Variants in MAGI2 observed in about 807,000 individuals in gnomAD.
The protein encoded by MAGI2 is membrane-associated guanylate kinase, WW and PDZ domain-containing protein 2.
Under a neutral mutation model 133.3 loss-of-function variants are expected in MAGI2, and 35 were observed. The observed-to-expected ratio is 0.26, with a 90% CI of 0.20 to 0.35. MAGI2 has a LOEUF of 0.35. Among genes scored for constraint, MAGI2 ranks in the 10% least tolerant of loss-of-function variants. The pLI is 1.00. For missense variants in MAGI2, 1,636 were observed against 1,863.4 expected, an observed-to-expected ratio of 0.88 and a Z score of 2.25; for synonymous variants, 729 against 710.6, an observed-to-expected ratio of 1.03 and a Z score of -0.41.
intron 1 of MAGI2, among the ~76,000 whole-genome samples, chr7:79,180,999 C>T (rs1031636907): frequency 6.6e-6 from 1 of 151,908 alleles, no homozygotes; most frequent in Non-Finnish European, 1.5e-5. Context: ...GGTGAGTTCT[C>T]ATGGTCTTGG....
At chr7:78,358,753 G>T in intron 7 of MAGI2, 1 of 205,384 alleles carries the variant, frequency 4.9e-6, no homozygotes, top group South Asian at 7.1e-5. Context: ...GGAAGGAGAA[G>T]GCCAAGATGC....
intron 3 of MAGI2, among the ~76,000 whole-genome samples, chr7:78,573,748 T>C (rs1184931454): frequency 2.6e-5 from 4 of 152,004 alleles, no homozygotes; most frequent in African/African-American, 9.7e-5. Flanking sequence ...GTGGGGCTCA[T>C]CCACTGATGG....
At chr7:78,170,742 C>T (rs1826033823) in intron 14 of MAGI2, 1 of 151,648 alleles carries the variant, frequency 6.6e-6, no homozygotes, top group Non-Finnish European at 1.5e-5. Context: ...TTCAATTACC[C>T]CTTCAATTGA....
At chr7:79,433,037 C>G (rs147307222) in intron 1 of MAGI2, among the ~76,000 whole-genome samples, 3 of 152,200 alleles carry the variant, frequency 2.0e-5, no homozygotes, top group Non-Finnish European at 4.4e-5. Flanking sequence ...CCTCCCTTTT[C>G]ACTGGTTTCC....
chr7:79,083,555 T>A (rs1377053964), intron 1 of MAGI2, among the ~76,000 whole-genome samples: 3 of 151,820 alleles, frequency 2.0e-5, no homozygotes, highest in Non-Finnish European at 3.0e-5. Context: ...GCTTTTTATA[T>A]GTTGTGGGAT....
At chr7:78,492,701 A>C (rs1244819406) in intron 5 of MAGI2, among the ~76,000 whole-genome samples, 1 of 152,168 alleles carries the variant, frequency 6.6e-6, no homozygotes, top group Non-Finnish European at 1.5e-5. Flanking sequence ...TAGCTAGGGC[A>C]GATTCAGGTG....
chr7:78,655,482 GA>G (rs1234091209), intron 2 of MAGI2, among the ~76,000 whole-genome samples: 2 of 57,322 alleles, frequency 3.5e-5, no homozygotes, highest in East Asian at 5.3e-4. Flanking sequence ...AAAACCACCA[GA>G]AAAAAATGCA....
At chr7:79,011,920 C>CTTTCTTTCTTTCTTT (rs1562785320) in intron 1 of MAGI2, among the ~76,000 whole-genome samples, 1 of 123,426 alleles carries the variant, frequency 8.1e-6, no homozygotes, top group Admixed American at 9.6e-5. Context: ...TTCCTTCCTT[C>CTTTCTTTCTTTCTTT]CTTCCTTTCT....
At chr7:79,388,680 G>T (rs1008342535) in intron 1 of MAGI2, among the ~76,000 whole-genome samples, 1 of 151,510 alleles carries the variant, frequency 6.6e-6, no homozygotes, top group African/African-American at 2.4e-5. Flanking sequence ...TCACAGAGTG[G>T]GAGGTCATCT....
intron 2 of MAGI2, among the ~76,000 whole-genome samples, chr7:78,691,223 T>G (rs1816922134): frequency 6.6e-6 from 1 of 152,210 alleles, no homozygotes; most frequent in South Asian, 2.1e-4. Flanking sequence ...CACTCTTACG[T>G]GCTTTCATAT....
intron 2 of MAGI2, among the ~76,000 whole-genome samples, chr7:79,001,434 T>C (rs557248897): frequency 6.6e-6 from 1 of 152,356 alleles, no homozygotes; most frequent in African/African-American, 2.4e-5. Flanking sequence ...ATTGAAGTCC[T>C]TCTCCACATT....
At chr7:78,391,456 G>A (rs1250407367) in intron 6 of MAGI2, among the ~76,000 whole-genome samples, 1 of 152,136 alleles carries the variant, frequency 6.6e-6, no homozygotes, top group African/African-American at 2.4e-5. Flanking sequence ...GAATTGTAAT[G>A]CCATCTGCCA....
intron 2 of MAGI2, among the ~76,000 whole-genome samples, chr7:78,878,315 G>T (rs1795583652): frequency 6.6e-6 from 1 of 152,166 alleles, no homozygotes; most frequent in South Asian, 2.1e-4. Context: ...ATTTTAAAAT[G>T]AGGAGTCCTG....
intron 2 of MAGI2, among the ~76,000 whole-genome samples, chr7:78,864,013 A>G (rs1584201117): frequency 6.6e-6 from 1 of 152,252 alleles, no homozygotes; most frequent in Non-Finnish European, 1.5e-5. Flanking sequence ...AAAAAGCTGT[A>G]CAAGGTAAGA....
At chr7:79,203,912 C>T (rs553439085) in intron 1 of MAGI2, among the ~76,000 whole-genome samples, 1 of 152,028 alleles carries the variant, frequency 6.6e-6, no homozygotes, top group African/African-American at 2.4e-5. Flanking sequence ...ATTTGAACAA[C>T]AATCCATGCA....
At chr7:78,167,560 C>A (rs1245187299) in intron 15 of MAGI2, among the ~76,000 whole-genome samples, 1 of 152,188 alleles carries the variant, frequency 6.6e-6, no homozygotes, top group East Asian at 1.9e-4. Context: ...AATGCTGTGG[C>A]TCTTGGTTTG....
chr7:78,134,591 C>T (rs1821907566), intron 17 of MAGI2: 1 of 161,820 alleles, frequency 6.2e-6, no homozygotes, highest in Non-Finnish European at 1.4e-5. Context: ...CCTTATACCA[C>T]AAAACTTCAC....
intron 3 of MAGI2, among the ~76,000 whole-genome samples, chr7:78,569,712 A>G (rs1801314031): frequency 1.3e-5 from 2 of 152,220 alleles, no homozygotes; most frequent in South Asian, 4.1e-4. Flanking sequence ...TAAGCATACA[A>G]TTTGACACAT....
At chr7:78,849,306 A>G (rs1792917398) in intron 2 of MAGI2, among the ~76,000 whole-genome samples, 1 of 152,086 alleles carries the variant, frequency 6.6e-6, no homozygotes, top group Admixed American at 6.6e-5. Context: ...AGTGAGCAAT[A>G]TCTTGGATAT....
Sources: gnomAD v4.1 joint callset for allele counts (sites outside exome capture counted in the v4.1 genomes callset) on GRCh38, gnomAD v4.1.1 for gene constraint, MANE v1.5 for transcripts, NCBI Gene and HGNC (gene_info 2026-07-23, HGNC 2026-07-21) for gene names.